Variants in MUC5B observed in about 807,000 individuals in gnomAD.
MUC5B encodes the protein mucin 5B, oligomeric mucus/gel-forming.
In MUC5B, 116 loss-of-function variants were observed where a neutral mutation model predicts 376.9. The observed-to-expected ratio is 0.31, with a 90% CI of 0.26 to 0.36. The LOEUF (loss-of-function observed/expected upper bound fraction) is 0.36, where lower values mean the gene tolerates loss of function less well. Ranked by LOEUF, MUC5B falls within the 10% of genes least tolerant of loss-of-function variation. MUC5B has a pLI of 1.00. For synonymous variants in MUC5B, 3,517 were observed against 3,390.9 expected, an observed-to-expected ratio of 1.04 and a Z score of -1.29; for missense variants, 7,165 against 7,769.9, an observed-to-expected ratio of 0.92 and a Z score of 2.93.
chr11:1,245,347 C>A lies in MUC5B; in HGVS notation c.8467C>A (p.Pro2823Thr), dbSNP rs1160105429. 1 of 1,595,334 alleles carries A rather than the reference C, an allele frequency of 6.3e-7. No individual in the cohort carries two copies. The highest frequency in any genetic ancestry group is 2.2e-5 in the East Asian group (1 of 44,740). The change falls in exon 31 of 49, where the codon CCT (proline) becomes ACT (threonine). Residue 2823 changes from proline (P) to threonine (T), a missense_variant. Physicochemically the swap from Pro to Thr is conservative, Grantham distance 38. This residue lies in a region of MUC5B where 50 missense variants were observed against 66.4 expected (regional missense o/e 0.75). Transcript: ENST00000529681. ...HPSSRTTESP[P>T]SPGTTTPGHT... The stretch of plus-strand genomic sequence containing the variant: ...TAGCAGCAGGACCACCGAGTCACCC[C>A]CTTCTCCAGGGACGACCACCCCGGG...
At position 1,242,155 on chromosome 11, in the gene MUC5B, G is replaced by A. The variant is rs145476859; in HGVS notation, c.5275G>A (p.Glu1759Lys). 2.3e-5 allele frequency: 37 copies of A among 1,613,460 alleles called. No homozygotes were observed. Among genetic ancestry groups the A allele is most frequent in the South Asian group, 6.6e-5 (6 of 91,082 alleles). Residue 1759 changes from glutamate to lysine, a missense_variant, in exon 31 of 49, where the codon GAG (glutamate) becomes AAG (lysine). Coordinates refer to ENST00000529681, the MANE Select transcript of MUC5B (RefSeq NM_002458.3). ...LTSELSTSQA[E>K]TSTPRTETTM... Reference sequence around the variant, plus strand: ...GAGCGAGCTGTCCACCTCTCAGGCCGAGACCAGCACGCCCAGGACAGAGAC... The same window carrying A: ...GAGCGAGCTGTCCACCTCTCAGGCCAAGACCAGCACGCCCAGGACAGAGAC...
In MUC5B at chr11:1,241,685, A is replaced by G. The variant is rs1175677157; in HGVS notation, c.4805A>G (p.His1602Arg). 1.9e-6 allele frequency: 3 copies of G among 1,612,270 alleles called. No individual in the cohort carries two copies. In the Admixed American group the frequency reaches 5.0e-5, roughly 27 times the overall value. Reference protein sequence around the residue: ...RIRVLCCSDDHCRGRATTPPP... With the variant: ...RIRVLCCSDDRCRGRATTPPP... ...CGGGTCCTCTGCTGCAGTGACGACC[A>G]CTGCAGGGGACGTGCCACAACCCCG... Residue 1602 changes from histidine (H) to arginine (R), a missense_variant, in exon 31 of 49, where the codon CAC becomes CGC. His to Arg is a conservative substitution (Grantham distance 29). Around this residue, in one of 31 missense-constraint regions of MUC5B, gnomAD observed 897 missense variants for 779.6 expected, o/e 1.15. Coordinates refer to ENST00000529681, the MANE Select transcript of MUC5B (RefSeq NM_002458.3).
intron 8 of MUC5B, 78 bp downstream of exon 8, chr11:1,228,843 GT>G: frequency 8.1e-7 from 1 of 1,235,806 alleles, no homozygotes; most frequent in Non-Finnish European, 1.1e-6. Context: ...GCCACTGGGG[GT>G]GGGGAGGCCT....
intron 15 of MUC5B, 85 bp from the exon 16 acceptor site, chr11:1,232,365 C>T: frequency 6.8e-7 from 1 of 1,465,332 alleles, no homozygotes; most frequent in African/African-American, 1.4e-5. Flanking sequence ...TCACTGTTCC[C>T]CGGGCTGAGG....
intron 1 of MUC5B, among the ~76,000 whole-genome samples, chr11:1,225,374 G>C (rs1861856368): frequency 1.3e-5 from 2 of 152,256 alleles, no homozygotes; most frequent in African/African-American, 4.8e-5. Context: ...GTCAGTCGGG[G>C]ACAGGGCAGG....
chr11:1,232,825 AC>A, intron 17 of MUC5B, 55 bp downstream of exon 17: 1 of 1,520,268 alleles, frequency 6.6e-7, no homozygotes. Flanking sequence ...GGTGCGGGGG[AC>A]CCTGGCCGGC....
Position 1,239,009 on chromosome 11 carries a change from C to T in MUC5B, c.3436C>T (p.Arg1146Trp). ...CHDAGLCVSWRTPDTCPLFCD... is the reference protein window; with the variant it reads ...CHDAGLCVSWWTPDTCPLFCD... ...CGACGCGGGCCTGTGTGTGTCCTGG[C>T]GGACTCCGGACACCTGCCGTGAGTC... The change falls in exon 26 of 49, where the codon CGG becomes TGG. Residue 1146 changes from arginine (R) to tryptophan (W), a missense_variant. Transcript: ENST00000529681. The T allele has an allele frequency of 6.4e-7, 1 of 1,571,042 alleles. No individual in the cohort carries two copies.
chr11:1,241,482 G>A lies in MUC5B; in HGVS notation c.4602G>A (p.Arg1534=). 1 of 1,613,542 alleles carries A rather than the reference G, an allele frequency of 6.2e-7. No homozygotes were observed. Among genetic ancestry groups the A allele is most frequent in the East Asian group, 2.2e-5 (1 of 44,828 alleles). The change falls in exon 31 of 49, where the codon AGG becomes AGA. Residue 1534 remains arginine, a synonymous_variant. Coordinates refer to ENST00000529681, the MANE Select transcript of MUC5B (RefSeq NM_002458.3). ...ACGTTGAGTCCTACGATAAGATCAG[G>A]GCCGCTGGAGGGCACTTATGCCAGC... ...GGDVESYDKI[R]AAGGHLCQQP...
At position 1,244,149 on chromosome 11, in the gene MUC5B, G is replaced by A. The variant is rs540517244; in HGVS notation, c.7269G>A (p.Thr2423=). The A allele has an allele frequency of 1.4e-5, 22 of 1,613,274 alleles. No individual in the cohort carries two copies. The East Asian group carries it at 2.0e-4, about 15-fold the overall frequency. The part of the protein sequence containing the change: ...HCPSTPATSS[T]AMPSSTPGTT... The stretch of plus-strand genomic sequence containing the variant: ...CCAGCACCCCGGCCACCAGCTCTAC[G>A]GCCATGCCCTCCTCCACTCCGGGGA... Residue 2423 remains threonine (T), a synonymous_variant, in exon 31 of 49, where the codon ACG becomes ACA. Transcript: ENST00000529681.
In MUC5B at chr11:1,250,123, C is replaced by A. The variant is rs201451122; in HGVS notation, c.13243C>A (p.Pro4415Thr). Residue 4415 changes from proline (P) to threonine (T), a missense_variant, in exon 31 of 49, where the codon CCA becomes ACA. Physicochemically the swap from Pro to Thr is conservative, Grantham distance 38 (BLOSUM62 -1). Around this residue, in one of 31 missense-constraint regions of MUC5B, gnomAD observed 431 missense variants for 390.4 expected, o/e 1.10. Transcript: ENST00000529681. Reference sequence around the variant, plus strand: ...CCCCACGGCCACCCCGTCCTCCACCCCAGGGACCACCTGGATCCTCACAGA... The same window carrying A: ...CCCCACGGCCACCCCGTCCTCCACCACAGGGACCACCTGGATCCTCACAGA... ...TGPTATPSST[P>T]GTTWILTELT... 3.7e-4 allele frequency: 583 copies of A among 1,594,536 alleles called. No homozygotes were observed. Among genetic ancestry groups the A allele is most frequent in the Admixed American group, 5.6e-4 (33 of 58,602 alleles).
In MUC5B at chr11:1,253,100, G is replaced by T; in HGVS notation, c.15217+120G>T. On this transcript the variant is annotated intron_variant, in intron 33 of 48. Transcript: ENST00000529681. This position sits in a 1 kb window ranked among gnomAD's most constrained non-coding sequence, Gnocchi z 4.3. ...GTGGGGTGCAGTGGGGAATGGTGGGGCATGGTGGGGCATGGTGGGGTGCAG... is the reference window on the plus strand; with the variant it reads ...GTGGGGTGCAGTGGGGAATGGTGGGTCATGGTGGGGCATGGTGGGGTGCAG... The T allele has an allele frequency of 1.0e-6, 1 of 956,432 alleles. No homozygotes were observed. Among genetic ancestry groups the T allele is most frequent in the Non-Finnish European group, 1.5e-6 (1 of 652,252 alleles). 59.2% of individuals were successfully genotyped at this position (956,432 alleles called of 1,614,324 possible).
rs55834603 is a variant in MUC5B at position 1,242,181 on chromosome 11, G to C, written c.5301G>C (p.Thr1767=). 6.2e-7 allele frequency: 1 copy of C among 1,613,536 alleles called. No individual in the cohort carries two copies. Among genetic ancestry groups the C allele is most frequent in the Non-Finnish European group, 8.5e-7 (1 of 1,179,872 alleles). ...QAETSTPRTE[T]TMSPLTNTTT... ...AGACCAGCACGCCCAGGACAGAGAC[G>C]ACAATGAGCCCCTTGACTAACACCA... The change falls in exon 31 of 49, where the codon ACG becomes ACC. Residue 1767 remains threonine (T), a synonymous_variant. Coordinates refer to ENST00000529681, the MANE Select transcript of MUC5B (RefSeq NM_002458.3).
chr11:1,245,497 C>T lies in MUC5B; in HGVS notation c.8617C>T (p.Pro2873Ser), dbSNP rs1441125183. The T allele has an allele frequency of 7.1e-7, 1 of 1,410,494 alleles. No individual in the cohort carries two copies. Among genetic ancestry groups the T allele is most frequent in the Non-Finnish European group, 9.7e-7 (1 of 1,035,340 alleles). The allele number at this position is 1,410,494 out of a possible 1,614,324, so 87.4% of individuals were successfully genotyped here. ...CACGGTGGTGACCATGGGCTGTGAG[C>T]CCCAGTGTGCCTGGTCAGAGTGGCT... ...ITTVVTMGCE[P>S]QCAWSEWLDY... is the part of the protein sequence containing the mutation. The change falls in exon 31 of 49, where the codon CCC (proline) becomes TCC (serine). Residue 2873 changes from proline to serine, a missense_variant. This residue lies in a region of MUC5B where 57 missense variants were observed against 167.2 expected (regional missense o/e 0.34). Transcript: ENST00000529681.
In MUC5B at chr11:1,243,237, A is replaced by C. The variant is rs767900278; in HGVS notation, c.6357A>C (p.Thr2119=). Residue 2119 remains threonine (T), a synonymous_variant, in exon 31 of 49, where the codon ACA becomes ACC. Coordinates refer to ENST00000529681, the MANE Select transcript of MUC5B (RefSeq NM_002458.3). ...TTTVATGSMA[T]PSSSTQTSGT... ...CTGTGGCCACTGGTTCTATGGCAAC[A>C]CCCTCCTCTAGCACACAGACCAGTG... is the stretch of plus-strand genomic sequence containing the variant. 2.6e-4 allele frequency: 400 copies of C among 1,556,878 alleles called. 4 individuals carry two copies. Among genetic ancestry groups the C allele is most frequent in the Non-Finnish European group, 3.3e-4 (376 of 1,151,138 alleles).
chr11:1,255,461 C>T lies in MUC5B; in HGVS notation c.15969C>T (p.Arg5323=), dbSNP rs772525183. 6.3e-7 allele frequency: 1 copy of T among 1,595,550 alleles called. No homozygotes were observed. Among genetic ancestry groups the T allele is most frequent in the Non-Finnish European group, 8.5e-7 (1 of 1,171,994 alleles). The change falls in exon 37 of 49, where the codon CGC becomes CGT. Residue 5323 remains arginine, a synonymous_variant. Transcript: ENST00000529681. The stretch of plus-strand genomic sequence containing the variant: ...GCATCAGCGACCACTGCAGGGGCCG[C>T]CTTGAGGTGCCCTGCCAGAGCCTGG... ...NACISDHCRG[R]LEVPCQSLEA...
At chr11:1,254,479 AG>A in intron 34 of MUC5B, 128 bp downstream of exon 34, 1 of 1,396,790 alleles carries the variant, frequency 7.2e-7, no homozygotes, top group Non-Finnish European at 9.6e-7. Context: ...CCCAGGGGGC[AG>A]GGAAGGCCTG....
rs765389427 is a variant in MUC5B at position 1,230,552 on chromosome 11, C to G, written c.1422C>G (p.Asn474Lys). The change falls in exon 12 of 49, where the codon AAC (asparagine) becomes AAG (lysine). Residue 474 changes from asparagine (N) to lysine (K), a missense_variant. This residue lies in a region of MUC5B where 640 missense variants were observed against 733.0 expected (regional missense o/e 0.87). Coordinates refer to ENST00000529681, the MANE Select transcript of MUC5B (RefSeq NM_002458.3). ...AELRKCGLTD[N>K]ENCLKAVTLS... ...TGCGGAAGTGCGGCCTGACGGACAA[C>G]GAGAACTGCCTGAAAGCGGTGACGC... is the stretch of plus-strand genomic sequence containing the variant. The G allele has an allele frequency of 6.2e-7, 1 of 1,611,714 alleles. No homozygotes were observed. Among genetic ancestry groups the G allele is most frequent in the Non-Finnish European group, 8.5e-7 (1 of 1,179,332 alleles).
chr11:1,238,989 C>G lies in MUC5B; in HGVS notation c.3416C>G (p.Ala1139Gly), dbSNP rs75935363. The G allele has an allele frequency of 1.9e-6, 3 of 1,571,238 alleles. No homozygotes were observed. Among genetic ancestry groups the G allele is most frequent in the African/African-American group, 2.7e-5 (2 of 73,990 alleles). ...VAAYAQACHD[A>G]GLCVSWRTPD... ...GCCTACGCCCAGGCCTGCCACGACG[C>G]GGGCCTGTGTGTGTCCTGGCGGACT... The change falls in exon 26 of 49, where the codon GCG becomes GGG. Residue 1139 changes from alanine to glycine, a missense_variant. Coordinates refer to ENST00000529681, the MANE Select transcript of MUC5B (RefSeq NM_002458.3).
chr11:1,236,356 G>C, intron 23 of MUC5B, 30 bp from the exon 24 acceptor site: 1 of 1,582,778 alleles, frequency 6.3e-7, no homozygotes, highest in Non-Finnish European at 8.6e-7. Flanking sequence ...CCACAGGGTC[G>C]GCTTCCGGCA....
Sources: allele counts gnomAD v4.1 joint callset (sites outside exome capture counted in the v4.1 genomes callset), GRCh38; gene constraint gnomAD v4.1.1; regional missense constraint gnomAD v4.1.1; non-coding constraint Gnocchi (gnomAD v3.1); transcripts MANE v1.5; gene names NCBI Gene and HGNC (gene_info 2026-07-23, HGNC 2026-07-21).